Variants in EXPH5 observed in about 807,000 individuals in gnomAD.
The protein encoded by EXPH5 is exophilin 5.
EXPH5 carries 42 observed loss-of-function variants against 41.1 expected under a neutral mutation model. The observed-to-expected ratio is 1.02, with a 90% CI of 0.80 to 1.32. EXPH5 has a LOEUF of 1.32. Ranked by LOEUF, EXPH5 falls within the 40% of genes most tolerant of loss-of-function variation. The pLI is 0.00. For missense variants in EXPH5, 2,298 were observed against 2,314.5 expected (o/e 0.99, Z 0.15); for synonymous variants, 798 against 833.5 (o/e 0.96, Z 0.73).
chr11:108,531,844 A>ATCCTGT (rs2093840033), intron 3 of EXPH5, among the ~76,000 whole-genome samples: 1 of 151,996 alleles, frequency 6.6e-6, no homozygotes, highest in Non-Finnish European at 1.5e-5. Flanking sequence ...TAATCAACAA[A>ATCCTGT]TCCTGTTGAT....
In EXPH5 at chr11:108,593,608, A is replaced by G; in HGVS notation, c.-72T>C. 3 of 1,611,540 alleles carry G rather than the reference A, an allele frequency of 1.9e-6. No individual in the cohort carries two copies. The highest frequency in any genetic ancestry group is 2.5e-6 in the Non-Finnish European group (3 of 1,178,774). ...GTTAGGAAGGCATTTTTCAACCTGT[A>G]CAAGACCAGTTTCACGAACTTGATC... On this transcript the variant is annotated 5_prime_UTR_variant, in exon 1 of 6. Coordinates refer to ENST00000265843, the MANE Select transcript of EXPH5 (RefSeq NM_015065.3).
In EXPH5 at chr11:108,534,650, A is replaced by G. The variant is rs115703655; in HGVS notation, c.443+4374T>C. The stretch of plus-strand genomic sequence containing the variant: ...TTCCAGGAAGGGATCTTGATCCTCT[A>G]GTCTGAGTTAAGTGGTTCTACATGT... On this transcript the variant is annotated intron_variant, in intron 3 of 5. Coordinates refer to ENST00000265843, the MANE Select transcript of EXPH5 (RefSeq NM_015065.3). 6.7e-3 allele frequency among the ~76,000 whole-genome samples: 1,021 copies of G among 152,328 alleles called. 8 individuals are homozygous for G. The highest frequency in any genetic ancestry group is 0.023 in the African/African-American group (969 of 41,572).
intron 1 of EXPH5, among the ~76,000 whole-genome samples, chr11:108,587,577 A>G (rs2094116998): frequency 6.6e-6 from 1 of 152,258 alleles, no homozygotes; most frequent in Non-Finnish European, 1.5e-5. Context: ...TGTAAAGAAA[A>G]GGACAAGGGC....
chr11:108,568,806 G>A (rs921212115), intron 1 of EXPH5, among the ~76,000 whole-genome samples: 2 of 151,934 alleles, frequency 1.3e-5, no homozygotes, highest in Admixed American at 6.6e-5. Flanking sequence ...CTGCTAATTC[G>A]ACTTTCCAAA....
At chr11:108,588,763 C>T (rs893372581) in intron 1 of EXPH5, among the ~76,000 whole-genome samples, 3 of 152,068 alleles carry the variant, frequency 2.0e-5, no homozygotes, top group Non-Finnish European at 4.4e-5. Flanking sequence ...ACTTTATAAG[C>T]TAAAAGAGTT....
At chr11:108,533,588 A>G (rs1458369066) in intron 3 of EXPH5, among the ~76,000 whole-genome samples, 1 of 152,084 alleles carries the variant, frequency 6.6e-6, no homozygotes, top group Non-Finnish European at 1.5e-5. Context: ...TATCTCAGCA[A>G]TCTCTACTTG....
intron 3 of EXPH5, among the ~76,000 whole-genome samples, chr11:108,537,142 C>A (rs777127839): frequency 5.9e-5 from 9 of 152,294 alleles, no homozygotes; most frequent in African/African-American, 2.2e-4. Flanking sequence ...GAATGTATGA[C>A]CTGATTTATA....
At position 108,514,417 on chromosome 11, in the gene EXPH5, T is replaced by G. The variant is rs143640617; in HGVS notation, c.1090A>C (p.Lys364Gln). 4.3e-6 allele frequency: 7 copies of G among 1,614,030 alleles called. No individual in the cohort carries two copies. The African/African-American group carries it at 8.0e-5, about 18-fold the overall frequency. ...ATGATGGATGATAAAGGAGTTCTCT[T>G]TGGACTCTGCTGGTGCCTTGGTGGT... ...FIPPRHQQSP[K>Q]RTPLSSIIWN... Residue 364 changes from lysine to glutamine, a missense_variant, in exon 6 of 6, where the codon AAG (lysine) becomes CAG (glutamine). Physicochemically the swap from Lys to Gln is moderately conservative, Grantham distance 53 (BLOSUM62 1). Transcript: ENST00000265843.
intron 1 of EXPH5, among the ~76,000 whole-genome samples, chr11:108,581,956 C>T (rs541723329): frequency 1.3e-5 from 2 of 152,118 alleles, no homozygotes; most frequent in South Asian, 2.1e-4. Flanking sequence ...ATGAAATAGC[C>T]GAAAAAGTTC....
At chr11:108,573,898 A>C (rs2094071212) in intron 1 of EXPH5, among the ~76,000 whole-genome samples, 3 of 151,650 alleles carry the variant, frequency 2.0e-5, no homozygotes, top group Admixed American at 2.0e-4. Flanking sequence ...ATTTTATTTT[A>C]TTTATTTATT....
intron 3 of EXPH5, among the ~76,000 whole-genome samples, chr11:108,530,408 A>G: frequency 6.6e-6 from 1 of 152,162 alleles, no homozygotes; most frequent in South Asian, 2.1e-4. Context: ...GTATAAGTAA[A>G]ATGCATGGGA....
At chr11:108,532,381 T>A (rs1435963080) in intron 3 of EXPH5, among the ~76,000 whole-genome samples, 76 of 91,982 alleles carry the variant, frequency 8.3e-4, no homozygotes, top group African/African-American at 4.5e-3. Flanking sequence ...TTTTTTTTTT[T>A]TTTTTTTTTT....
At chr11:108,536,221 G>A (rs1591708258) in intron 3 of EXPH5, among the ~76,000 whole-genome samples, 1 of 151,690 alleles carries the variant, frequency 6.6e-6, no homozygotes, top group Non-Finnish European at 1.5e-5. Flanking sequence ...TTTGGGAAGT[G>A]TATATGTTTG....
chr11:108,590,942 C>T (rs867276703), intron 1 of EXPH5, among the ~76,000 whole-genome samples: 4 of 152,228 alleles, frequency 2.6e-5, no homozygotes, highest in African/African-American at 4.8e-5. Context: ...CGTGAGCCAC[C>T]GGGCCCAGCC....
At chr11:108,601,598 T>C in the EXPH5 span, among the ~76,000 whole-genome samples, 2 of 152,190 alleles carry the variant, frequency 1.3e-5, no homozygotes, top group African/African-American at 4.8e-5. Flanking sequence ...AGTATTTAAA[T>C]ATGACAAATA....
chr11:108,545,172 G>A (rs1016280677), intron 1 of EXPH5, among the ~76,000 whole-genome samples: 3 of 152,238 alleles, frequency 2.0e-5, no homozygotes, highest in African/African-American at 7.2e-5. Flanking sequence ...CCAGCACTTC[G>A]GGAGGCCGAG....
Position 108,511,409 on chromosome 11 carries a change from A to C in EXPH5, c.4098T>G (p.Ile1366Met). ...LPEEESKAREIFSDNLAKTPL... is the reference protein window; with the variant it reads ...LPEEESKAREMFSDNLAKTPL... ...GTGTTTTAGCTAAATTATCTGAAAA[A>C]ATCTCTCTAGCTTTAGATTCCTCTT... The change falls in exon 6 of 6, where the codon ATT becomes ATG. Residue 1366 changes from isoleucine (I) to methionine (M), a missense_variant. By Grantham distance (10) the Ile-to-Met change is conservative (BLOSUM62 1). Transcript: ENST00000265843. 6.3e-7 allele frequency: 1 copy of C among 1,589,900 alleles called. No homozygotes were observed. Among genetic ancestry groups the C allele is most frequent in the South Asian group, 1.2e-5 (1 of 86,190 alleles).
At chr11:108,563,267 G>A (rs2094020577) in intron 1 of EXPH5, among the ~76,000 whole-genome samples, 1 of 152,178 alleles carries the variant, frequency 6.6e-6, no homozygotes. Flanking sequence ...CAGTTGCTTT[G>A]ACTGCAGAAT....
Position 108,526,752 on chromosome 11 carries a change from CCTCAGT to C in EXPH5, c.492+1378_492+1383del, listed in dbSNP as rs1405889314. Among the ~76,000 whole-genome samples, 4 of 152,186 alleles carry C rather than the reference CCTCAGT, an allele frequency of 2.6e-5. No homozygotes were observed. The East Asian group carries it at 7.7e-4, about 29-fold the overall frequency. ...GTTCCAAAAACCCAGGCTTTCTAAT[CCTCAGT>C]CTGCTATTTACCAGGGTGACCTTGA... On this transcript the variant is annotated intron_variant, in intron 4 of 5. Transcript: ENST00000265843.
Sources: allele counts gnomAD v4.1 joint callset (sites outside exome capture counted in the v4.1 genomes callset), GRCh38; gene constraint gnomAD v4.1.1; transcripts MANE v1.5; gene names NCBI Gene and HGNC (gene_info 2026-07-23, HGNC 2026-07-21).